Variants in SEMA4B observed in about 807,000 individuals in gnomAD.
SEMA4B encodes the protein semaphorin 4B.
SEMA4B carries 55 observed loss-of-function variants against 88.1 expected under a neutral mutation model. The observed-to-expected ratio is 0.62, with a 90% confidence interval of 0.50 to 0.78. The LOEUF (loss-of-function observed/expected upper bound fraction) is 0.78, where lower values mean the gene tolerates loss of function less well. Ranked by LOEUF, SEMA4B falls within the 30% of genes least tolerant of loss-of-function variation. The pLI, the probability that SEMA4B is intolerant of heterozygous loss-of-function variation, is 0.00. For synonymous variants in SEMA4B, 525 were observed against 473.6 expected (o/e 1.11, Z -1.41); for missense variants, 1,062 against 1,111.9 (o/e 0.96, Z 0.64).
In SEMA4B at chr15:90,228,351, G is replaced by A. The variant is rs766778170; in HGVS notation, c.2222G>A (p.Arg741Gln). The A allele has an allele frequency of 1.2e-5, 20 of 1,601,072 alleles. No homozygotes were observed. The highest frequency in any genetic ancestry group is 9.0e-5 in the South Asian group (8 of 88,936). ...GTTTTATTCTTGCTCTACCGGCACCGGAACAGCATGAAAGTCTTCCTGAAG... is the reference window on the plus strand; with the variant it reads ...GTTTTATTCTTGCTCTACCGGCACCAGAACAGCATGAAAGTCTTCCTGAAG... Reference protein sequence around the residue: ...LPVLFLLYRHRNSMKVFLKQG... With the variant: ...LPVLFLLYRHQNSMKVFLKQG... The change falls in exon 14 of 14, where the codon CGG (arginine) becomes CAG (glutamine). Residue 741 changes from arginine (R) to glutamine (Q), a missense_variant. Coordinates refer to ENST00000411539, the MANE Select transcript of SEMA4B (RefSeq NM_198925.4).
intron 1 of SEMA4B, among the ~76,000 whole-genome samples, chr15:90,215,556 A>C (rs980555817): frequency 2.6e-5 from 4 of 152,250 alleles, no homozygotes; most frequent in African/African-American, 9.6e-5. Context: ...CCACACCTGT[A>C]ATCCCAGCAC....
upstream of SEMA4B, among the ~76,000 whole-genome samples, chr15:90,198,358 T>G (rs1229628754): frequency 6.6e-6 from 1 of 152,212 alleles, no homozygotes; most frequent in East Asian, 1.9e-4. Flanking sequence ...GCTTACCATG[T>G]GCCAAGCACT....
chr15:90,190,271 G>C (rs893447131), intron 1 of SEMA4B: 1 of 152,272 alleles, frequency 6.6e-6, no homozygotes, highest in African/African-American at 2.4e-5. Context: ...TGGGCACACT[G>C]CCACAGGTGG....
rs1012195399 is a variant in SEMA4B at position 90,212,362 on chromosome 15, C to T, written c.158-5077C>T. Among the ~76,000 whole-genome samples the T allele has an allele frequency of 6.6e-6, 1 of 152,122 alleles. No homozygotes were observed. The highest frequency in any genetic ancestry group is 1.5e-5 in the Non-Finnish European group (1 of 68,012). On this transcript the variant is annotated intron_variant, in intron 1 of 13. Coordinates refer to ENST00000411539, the MANE Select transcript of SEMA4B (RefSeq NM_198925.4). The surrounding 1 kb of genome is among the most constrained non-coding windows in gnomAD (Gnocchi z 4.0). ...CCTGTCGGGGTGGAGGGAGAGGGTT[C>T]ACCCTGAATGGGAAAACCGGCCGCA...
At position 90,228,518 on chromosome 15, in the gene SEMA4B, T is replaced by G. The variant is rs3751655; in HGVS notation, c.2389T>G (p.Ser797Ala). The G allele has an allele frequency of 0.67, 1,081,363 of 1,610,796 alleles. 365,774 individuals carry two copies. Among genetic ancestry groups the G allele is most frequent in the African/African-American group, 0.87 (65,080 of 74,980 alleles). The stretch of plus-strand genomic sequence containing the variant: ...GTCCCTGTCAGACAGCCCCCCGGGG[T>G]CCCGAGTCTTCACTGAGTCAGAGAA... Reference protein sequence around the residue: ...YQSLSDSPPGSRVFTESEKRP... With the variant: ...YQSLSDSPPGARVFTESEKRP... The change falls in exon 14 of 14, where the codon TCC becomes GCC. Residue 797 changes from serine (S) to alanine (A), a missense_variant. Coordinates refer to ENST00000411539, the MANE Select transcript of SEMA4B (RefSeq NM_198925.4).
At chr15:90,199,536 T>G (rs1960625610), upstream of SEMA4B, among the ~76,000 whole-genome samples, 1 of 151,952 alleles carries the variant, frequency 6.6e-6, no homozygotes, top group Non-Finnish European at 1.5e-5. Context: ...AGTAGAAATA[T>G]TGAGGCCGGG....
Position 90,219,794 on chromosome 15 carries a change from G to GC in SEMA4B, c.387dup (p.Asp130ArgfsTer70). 6.2e-7 allele frequency: 1 copy of GC among 1,612,640 alleles called. No individual in the cohort carries two copies. The highest frequency in any genetic ancestry group is 8.5e-7 in the Non-Finnish European group (1 of 1,179,294). On this transcript the variant is annotated frameshift_variant and splice_region_variant, in exon 4 of 14. Transcript: ENST00000411539. LOFTEE classifies it high-confidence loss of function. ...TATCCCCTCGCTCCTTCCCCCCAGC[G>GC]CGACTGTCAAAACTACATCAAGATC... is the stretch of plus-strand genomic sequence containing the variant.
At chr15:90,206,987 CAA>C in intron 1 of SEMA4B, 3 of 468,618 alleles carry the variant, frequency 6.4e-6, no homozygotes, top group Non-Finnish European at 7.8e-6. Flanking sequence ...CTTTGGCTCA[CAA>C]AAAAAACAAA....
At position 90,212,226 on chromosome 15, in the gene SEMA4B, C is replaced by T. The variant is rs1309225239; in HGVS notation, c.158-5213C>T. 1.3e-5 allele frequency among the ~76,000 whole-genome samples: 2 copies of T among 152,064 alleles called. No homozygotes were observed. Among genetic ancestry groups the T allele is most frequent in the African/African-American group, 2.4e-5 (1 of 41,404 alleles). On this transcript the variant is annotated intron_variant, in intron 1 of 13. Transcript: ENST00000411539. The surrounding 1 kb of genome is among the most constrained non-coding windows in gnomAD (Gnocchi z 4.0). ...ACTCTTATGTGCCCATTCCATGTGC[C>T]GTCTCCCTCCAGGGAGGGACAGGGC...
chr15:90,217,640 A>G, intron 2 of SEMA4B, 38 bp downstream of exon 2: 13 of 1,609,866 alleles, frequency 8.1e-6, no homozygotes, highest in Non-Finnish European at 1.1e-5. Context: ...GGCTGGGCAG[A>G]GGACCACAGA....
chr15:90,188,964 C>T (rs1960267104), intron 1 of SEMA4B, among the ~76,000 whole-genome samples: 1 of 152,134 alleles, frequency 6.6e-6, no homozygotes, highest in African/African-American at 2.4e-5. Context: ...CCACCGCGCC[C>T]AGCCAGGATG....
chr15:90,201,798 T>A (rs1402562319), intron 1 of SEMA4B, 63 bp downstream of exon 1: 1 of 1,354,868 alleles, frequency 7.4e-7, no homozygotes, highest in Non-Finnish European at 9.5e-7. Flanking sequence ...ACGTGCCTCG[T>A]GCGGAGGTGG....
chr15:90,207,434 A>G (rs1038349739), intron 1 of SEMA4B, among the ~76,000 whole-genome samples: 29 of 152,182 alleles, frequency 1.9e-4, no homozygotes, highest in Non-Finnish European at 1.3e-4. Flanking sequence ...AAGGGGGCCA[A>G]CTGGAAGAGC....
chr15:90,213,440 C>T (rs1341930744), intron 1 of SEMA4B, among the ~76,000 whole-genome samples: 2 of 152,256 alleles, frequency 1.3e-5, no homozygotes, highest in Non-Finnish European at 2.9e-5. Context: ...GTCCCTTTGT[C>T]GTTTCATTCA....
rs971676506 is a variant in SEMA4B, at chr15:90,228,844, C to G, written c.*201C>G. On this transcript the variant is annotated 3_prime_UTR_variant, in exon 14 of 14. Coordinates refer to ENST00000411539, the MANE Select transcript of SEMA4B (RefSeq NM_198925.4). ...ACCCAGACACCCAAACAGCCGTGGCCCCAGAGGTCCTGGCCAAATATGGGG... is the reference window on the plus strand; with the variant it reads ...ACCCAGACACCCAAACAGCCGTGGCGCCAGAGGTCCTGGCCAAATATGGGG... 2 of 688,890 alleles carry G rather than the reference C, an allele frequency of 2.9e-6. No homozygotes were observed. The highest frequency in any genetic ancestry group is 3.6e-5 in the African/African-American group (2 of 55,394). 42.7% of individuals were successfully genotyped at this position (688,890 alleles called of 1,614,324 possible).
rs371405887 is a variant in SEMA4B, at chr15:90,225,106, C to T, written c.1333C>T (p.Arg445Cys). The change falls in exon 10 of 14, where the codon CGC becomes TGC. Residue 445 changes from arginine (R) to cysteine (C), a missense_variant. Physicochemically the swap from Arg to Cys is radical, Grantham distance 180. Transcript: ENST00000411539. ...SRMLLLQPQARYQRVAVHRVP... is the reference protein window; with the variant it reads ...SRMLLLQPQACYQRVAVHRVP... ...CATGCTGCTGCTGCAGCCCCAGGCT[C>T]GCTACCAGCGCGTGGCTGTACACCG... 42 of 1,613,736 alleles carry T rather than the reference C, an allele frequency of 2.6e-5. No individual in the cohort carries two copies. The African/African-American group carries it at 5.1e-4, about 19-fold the overall frequency.
intron 1 of SEMA4B, among the ~76,000 whole-genome samples, chr15:90,202,331 G>A (rs7179795): frequency 0.18 from 26,914 of 152,136 alleles, 3,262 homozygotes; most frequent in East Asian, 0.58. Flanking sequence ...CAAGTCCTGG[G>A]AGCGAACAGA....
intron 1 of SEMA4B, among the ~76,000 whole-genome samples, chr15:90,189,764 T>A (rs1321489320): frequency 3.3e-5 from 5 of 152,168 alleles, no homozygotes; most frequent in African/African-American, 1.2e-4. Flanking sequence ...CAAGGAGCTT[T>A]TGAAATTAAA....
In SEMA4B at chr15:90,219,858, C is replaced by T. The variant is rs764412478; in HGVS notation, c.450C>T (p.Gly150=). The stretch of plus-strand genomic sequence containing the variant: ...GCGGCAGTCACCTGTTCACCTGTGG[C>T]ACAGCAGCCTTCAGCCCCATGTGTA... ...PLSGSHLFTC[G]TAAFSPMCTY... is the part of the protein sequence containing the mutation. The change falls in exon 4 of 14, where the codon GGC becomes GGT. Residue 150 remains glycine, a synonymous_variant. Coordinates refer to ENST00000411539, the MANE Select transcript of SEMA4B (RefSeq NM_198925.4). The T allele has an allele frequency of 1.5e-5, 24 of 1,613,526 alleles. No homozygotes were observed. The highest frequency in any genetic ancestry group is 1.2e-5 in the Non-Finnish European group (14 of 1,179,770).
Sources: allele counts gnomAD v4.1 joint callset (sites outside exome capture counted in the v4.1 genomes callset), GRCh38; gene constraint gnomAD v4.1.1; non-coding constraint Gnocchi (gnomAD v3.1); transcripts MANE v1.5; gene names NCBI Gene and HGNC (gene_info 2026-07-23, HGNC 2026-07-21).